VAMP4: variants seen among roughly 807,000 people sequenced by gnomAD.
VAMP4 encodes vesicle-associated membrane protein 4.
A neutral mutation model predicts 23.5 loss-of-function variants in VAMP4; 19 were observed. The ratio of observed to expected loss-of-function variants is 0.81; its 90% CI spans 0.56 to 1.19. The LOEUF (loss-of-function observed/expected upper bound fraction) is 1.19, where lower values mean the gene tolerates loss of function less well. Ranked by LOEUF, VAMP4 falls within the 50% of genes most tolerant of loss-of-function variation. VAMP4 has a pLI of 0.00. For synonymous variants in VAMP4, 31 were observed against 51.0 expected (o/e 0.61, Z 1.67); for missense variants, 145 against 168.6 (o/e 0.86, Z 0.78).
Position 171,728,518 on chromosome 1 carries a change from A to C in VAMP4, c.113+6T>G. ...CACCCTAATAAAGCTGTAAAAAAAA[A>C]CTTACAGAAAAAAGTCCTCTTCTTC... On this transcript the variant is annotated splice_donor_region_variant and intron_variant, in intron 3 of 7. Transcript: ENST00000236192. 2 of 1,530,492 alleles carry C rather than the reference A, an allele frequency of 1.3e-6. No homozygotes were observed. The highest frequency in any genetic ancestry group is 2.4e-5 in the East Asian group (1 of 41,832). The allele number at this position is 1,530,492 out of a possible 1,614,324, so 94.8% of individuals were successfully genotyped here. A position where few individuals can be genotyped will look rare whatever the true frequency, so the allele number is the denominator to read the frequency against.
intron 1 of VAMP4, among the ~76,000 whole-genome samples, chr1:171,740,848 T>G (rs368404611): frequency 2.4e-4 from 37 of 152,344 alleles, no homozygotes; most frequent in Middle Eastern, 3.4e-3. Flanking sequence ...TATTCAGGTC[T>G]CTTAATCCCA....
intron 4 of VAMP4, among the ~76,000 whole-genome samples, chr1:171,716,196 A>G (rs546519031): frequency 3.9e-5 from 6 of 152,270 alleles, no homozygotes; most frequent in Non-Finnish European, 7.4e-5. Flanking sequence ...ATAAAAGTTA[A>G]GCTGGTCTGA....
At chr1:171,711,907 G>A (rs138680017) in intron 4 of VAMP4, among the ~76,000 whole-genome samples, 42 of 152,124 alleles carry the variant, frequency 2.8e-4, no homozygotes, top group African/African-American at 8.7e-4. Context: ...TGTTTTCTAC[G>A]TTTAGATATG....
intron 3 of VAMP4, among the ~76,000 whole-genome samples, chr1:171,727,466 T>A (rs1387568776): frequency 1.3e-5 from 2 of 152,164 alleles, no homozygotes; most frequent in African/African-American, 2.4e-5. Flanking sequence ...TGAAAAAGAC[T>A]GACCATATGT....
intron 2 of VAMP4, among the ~76,000 whole-genome samples, chr1:171,729,914 A>T (rs1247937102): frequency 6.6e-6 from 1 of 152,190 alleles, no homozygotes; most frequent in Non-Finnish European, 1.5e-5. Context: ...AGAAAAGATC[A>T]TTATGAATTA....
chr1:171,707,474 CT>C (rs772591821), intron 6 of VAMP4, among the ~76,000 whole-genome samples: 57 of 152,234 alleles, frequency 3.7e-4, no homozygotes, highest in Admixed American at 9.2e-4. Flanking sequence ...CTGGCAACTC[CT>C]GATCTGCGTT....
intron 1 of VAMP4, among the ~76,000 whole-genome samples, chr1:171,739,024 T>C (rs1655835345): frequency 6.6e-6 from 1 of 152,232 alleles, no homozygotes; most frequent in African/African-American, 2.4e-5. Flanking sequence ...ATTTACAAAA[T>C]ATACTCATTT....
chr1:171,714,142 G>A (rs374201095), intron 4 of VAMP4, among the ~76,000 whole-genome samples: 1 of 152,194 alleles, frequency 6.6e-6, no homozygotes, highest in East Asian at 1.9e-4. Context: ...TTGTTTTTGT[G>A]TTTCAGGATG....
intron 4 of VAMP4, among the ~76,000 whole-genome samples, chr1:171,716,404 C>T (rs968277388): frequency 2.0e-5 from 3 of 152,156 alleles, no homozygotes; most frequent in Admixed American, 6.5e-5. Context: ...GCTGGTATTT[C>T]CAGGTGGTCC....
At chr1:171,718,422 C>T (rs1048615491) in intron 4 of VAMP4, among the ~76,000 whole-genome samples, 1 of 152,126 alleles carries the variant, frequency 6.6e-6, no homozygotes, top group Admixed American at 6.6e-5. Context: ...TGGTCAGTTT[C>T]CAGAGCCTTC....
chr1:171,711,441 C>A (rs778235430), intron 4 of VAMP4, among the ~76,000 whole-genome samples: 1 of 151,982 alleles, frequency 6.6e-6, no homozygotes, highest in Non-Finnish European at 1.5e-5. Flanking sequence ...GAAGTACCCA[C>A]CAGGAAGCAA....
chr1:171,702,447 A>T lies in VAMP4; in HGVS notation c.*2059T>A, dbSNP rs549143701. The T allele has an allele frequency of 3.9e-5, 6 of 151,990 alleles. No homozygotes were observed. In the East Asian group the frequency reaches 1.2e-3, roughly 29 times the overall value. 9.4% of individuals were successfully genotyped at this position (151,990 alleles called of 1,614,324 possible). A position where few individuals can be genotyped will look rare whatever the true frequency, so the allele number is the denominator to read the frequency against. ...AAAATTTTATAATTTTACATTTTGTAATTATTTATTTAAAAGTGGCATATT... is the reference window on the plus strand; with the variant it reads ...AAAATTTTATAATTTTACATTTTGTTATTATTTATTTAAAAGTGGCATATT... On this transcript the variant is annotated 3_prime_UTR_variant, in exon 8 of 8. Transcript: ENST00000236192.
Position 171,713,860 on chromosome 1 carries a change from G to A in VAMP4, c.165-3046C>T, listed in dbSNP as rs908587273. Among the ~76,000 whole-genome samples, 9 of 152,182 alleles carry A rather than the reference G, an allele frequency of 5.9e-5. No homozygotes were observed. The South Asian group carries it at 1.0e-3, about 18-fold the overall frequency. On this transcript the variant is annotated intron_variant, in intron 4 of 7. Coordinates refer to ENST00000236192, the MANE Select transcript of VAMP4 (RefSeq NM_003762.5). ...AAAAAACATAACCCTTTAAGGATAAGATTCCATGGATATAGGCAGATTAAT... is the reference window on the plus strand; with the variant it reads ...AAAAAACATAACCCTTTAAGGATAAAATTCCATGGATATAGGCAGATTAAT...
chr1:171,705,888 A>G (rs982420979), intron 7 of VAMP4, among the ~76,000 whole-genome samples: 4 of 152,152 alleles, frequency 2.6e-5, no homozygotes, highest in African/African-American at 9.6e-5. Context: ...AATTATGCTC[A>G]ACTACAGAAC....
At chr1:171,725,866 TTTTCAGCAGAGACG>T (rs1268742748) in intron 3 of VAMP4, among the ~76,000 whole-genome samples, 4 of 152,058 alleles carry the variant, frequency 2.6e-5, no homozygotes, top group Non-Finnish European at 5.9e-5. Context: ...AATTTTTGTA[TTTTCAGCAGAGACG>T]TTTCACTGTG....
intron 3 of VAMP4, among the ~76,000 whole-genome samples, chr1:171,727,162 C>T (rs963956910): frequency 1.3e-5 from 2 of 150,662 alleles, no homozygotes; most frequent in Admixed American, 1.3e-4. Flanking sequence ...ATCATTTGAG[C>T]CCAGTAGTTT....
At chr1:171,731,138 CT>C (rs926736206) in intron 2 of VAMP4, among the ~76,000 whole-genome samples, 117 of 151,066 alleles carry the variant, frequency 7.7e-4, no homozygotes, top group African/African-American at 2.6e-3. Flanking sequence ...TCTATGTGCA[CT>C]GTTCTAAGTA....
intron 2 of VAMP4, among the ~76,000 whole-genome samples, chr1:171,729,796 A>T (rs1655500194): frequency 6.6e-6 from 1 of 152,186 alleles, no homozygotes. Flanking sequence ...AGTAGCTGGG[A>T]CTACAGGCGC....
intron 3 of VAMP4, among the ~76,000 whole-genome samples, chr1:171,720,276 CAAAGA>C (rs1229530175): frequency 6.6e-6 from 1 of 151,332 alleles, no homozygotes; most frequent in Non-Finnish European, 1.5e-5. Context: ...AACCGAAAAA[CAAAGA>C]AAAGCAGTCA....
Sources: gnomAD v4.1 joint callset for allele counts (sites outside exome capture counted in the v4.1 genomes callset) on GRCh38, gnomAD v4.1.1 for gene constraint, MANE v1.5 for transcripts, NCBI Gene and HGNC (gene_info 2026-07-23, HGNC 2026-07-21) for gene names.